PLCL1: variants seen among roughly 807,000 people sequenced by gnomAD.
The protein encoded by PLCL1 is phospholipase C like 1 (inactive).
PLCL1 carries 41 observed loss-of-function variants against 84.4 expected under a neutral mutation model. That is an observed-to-expected ratio of 0.49 (90% CI 0.38 to 0.63). The LOEUF is 0.63. PLCL1 is among the 30% of genes least tolerant of loss of function. The pLI is 0.00. For missense variants in PLCL1, 1,206 were observed against 1,367.8 expected (o/e 0.88, Z 1.87); for synonymous variants, 490 against 488.3 (o/e 1.00, Z -0.05).
At chr2:198,122,278 A>C (rs1217674694) in intron 5 of PLCL1, among the ~76,000 whole-genome samples, 2 of 151,998 alleles carry the variant, frequency 1.3e-5, no homozygotes, top group African/African-American at 4.8e-5. Context: ...AGACACTTTA[A>C]CTCCCTTTAG....
intron 1 of PLCL1, among the ~76,000 whole-genome samples, chr2:197,973,534 A>T (rs943804061): frequency 8.5e-5 from 13 of 152,364 alleles, no homozygotes; most frequent in African/African-American, 2.6e-4. Flanking sequence ...ACTAGGTACT[A>T]ATTAAAATTG....
chr2:197,844,407 A>G (rs545495491), intron 1 of PLCL1, among the ~76,000 whole-genome samples: 1 of 152,192 alleles, frequency 6.6e-6, no homozygotes. Context: ...CCTCCACATA[A>G]TATTTGTGAG....
In PLCL1 at chr2:198,036,784, C is replaced by T. The variant is rs77347451; in HGVS notation, c.241-46974C>T. On this transcript the variant is annotated intron_variant, in intron 1 of 5. Transcript: ENST00000428675. ...ACAAAATTCTGCTACACACAGAGACCATTGATTACATAAATACTTAACAGC... is the reference window on the plus strand; with the variant it reads ...ACAAAATTCTGCTACACACAGAGACTATTGATTACATAAATACTTAACAGC... Among the ~76,000 whole-genome samples the T allele has an allele frequency of 3.3e-3, 505 of 152,214 alleles. 2 individuals are homozygous for T. The highest frequency in any genetic ancestry group is 0.011 in the African/African-American group (468 of 41,522).
At chr2:198,067,383 C>T (rs1692347480) in intron 1 of PLCL1, among the ~76,000 whole-genome samples, 1 of 152,168 alleles carries the variant, frequency 6.6e-6, no homozygotes. Flanking sequence ...CCGCCTCGGC[C>T]TCCCAAAGTG....
At chr2:197,951,157 A>G (rs1218839760) in intron 1 of PLCL1, among the ~76,000 whole-genome samples, 1 of 152,162 alleles carries the variant, frequency 6.6e-6, no homozygotes, top group Non-Finnish European at 1.5e-5. Flanking sequence ...TGGTGGAGGT[A>G]TAATTACAAA....
At chr2:197,947,424 G>A (rs750537895) in intron 1 of PLCL1, among the ~76,000 whole-genome samples, 5 of 152,072 alleles carry the variant, frequency 3.3e-5, no homozygotes, top group East Asian at 1.9e-4. Flanking sequence ...TTCAGGTGCC[G>A]CTGCTGCTGC....
intron 3 of PLCL1, among the ~76,000 whole-genome samples, chr2:198,099,296 G>A (rs1693275421): frequency 6.6e-6 from 1 of 151,912 alleles, no homozygotes; most frequent in Non-Finnish European, 1.5e-5. Flanking sequence ...GGAAGGAGGT[G>A]AAACTCAAAT....
At chr2:198,063,447 A>T (rs1692252201) in intron 1 of PLCL1, among the ~76,000 whole-genome samples, 1 of 152,160 alleles carries the variant, frequency 6.6e-6, no homozygotes, top group Non-Finnish European at 1.5e-5. Flanking sequence ...ATTAAAAGTC[A>T]AGCTAACTGT....
chr2:197,884,994 G>C (rs957528227), intron 1 of PLCL1, among the ~76,000 whole-genome samples: 1 of 152,094 alleles, frequency 6.6e-6, no homozygotes, highest in African/African-American at 2.4e-5. Flanking sequence ...GCCTGACGTG[G>C]TTTGGCTCCT....
At chr2:197,806,535 C>A (rs1002865490) in intron 1 of PLCL1, among the ~76,000 whole-genome samples, 3 of 152,102 alleles carry the variant, frequency 2.0e-5, no homozygotes, top group African/African-American at 7.2e-5. Flanking sequence ...GGAGAGGTTT[C>A]TATAATATAT....
At chr2:197,981,251 T>A (rs1009839840) in intron 1 of PLCL1, among the ~76,000 whole-genome samples, 9 of 152,110 alleles carry the variant, frequency 5.9e-5, no homozygotes, top group African/African-American at 2.2e-4. Context: ...GAGTGGAGAT[T>A]GGGGAATTTT....
rs188043642 is a variant in PLCL1, at chr2:198,033,739, G to A, written c.241-50019G>A. On this transcript the variant is annotated intron_variant, in intron 1 of 5. Coordinates refer to ENST00000428675, the MANE Select transcript of PLCL1 (RefSeq NM_006226.4). ...CTTTCTTTAACTTTCCTGATTCTCCGTTTACGTGATTTATTGCTGCTGCCT... is the reference window on the plus strand; with the variant it reads ...CTTTCTTTAACTTTCCTGATTCTCCATTTACGTGATTTATTGCTGCTGCCT... Among the ~76,000 whole-genome samples the A allele has an allele frequency of 1.3e-3, 191 of 152,152 alleles. 1 individual carries two copies. Among genetic ancestry groups the A allele is most frequent in the Admixed American group, 8.9e-3 (136 of 15,288 alleles).
chr2:197,804,999 G>T lies in PLCL1; in HGVS notation c.-101G>T. The T allele has an allele frequency of 7.5e-7, 1 of 1,326,836 alleles. No individual in the cohort carries two copies. Among genetic ancestry groups the T allele is most frequent in the Non-Finnish European group, 9.8e-7 (1 of 1,020,488 alleles). The allele number at this position is 1,326,836 out of a possible 1,614,324, so 82.2% of individuals were successfully genotyped here. ...CCGCTGGGCGGTGAAACAAAGTCTGGCGGGGCCGCCTCCCGGTGCAGGAGC... is the reference window on the plus strand; with the variant it reads ...CCGCTGGGCGGTGAAACAAAGTCTGTCGGGGCCGCCTCCCGGTGCAGGAGC... On this transcript the variant is annotated 5_prime_UTR_variant, in exon 1 of 6. Coordinates refer to ENST00000428675, the MANE Select transcript of PLCL1 (RefSeq NM_006226.4).
chr2:198,106,612 G>A (rs1473710898), intron 5 of PLCL1, among the ~76,000 whole-genome samples: 1 of 151,884 alleles, frequency 6.6e-6, no homozygotes, highest in Non-Finnish European at 1.5e-5. Flanking sequence ...GTCACAGAAA[G>A]GTGCTAGGGA....
At chr2:198,061,430 C>T (rs539218153) in intron 1 of PLCL1, among the ~76,000 whole-genome samples, 38 of 152,006 alleles carry the variant, frequency 2.5e-4, no homozygotes, top group Non-Finnish European at 5.1e-4. Context: ...TTAACGGCCC[C>T]CAGCAGTGAA....
intron 1 of PLCL1, among the ~76,000 whole-genome samples, chr2:198,070,849 C>T (rs1367210672): frequency 6.6e-6 from 1 of 151,828 alleles, no homozygotes; most frequent in African/African-American, 2.4e-5. Context: ...AGGACTAATG[C>T]TTTCTAATTG....
At chr2:197,986,942 G>T (rs944285147) in intron 1 of PLCL1, among the ~76,000 whole-genome samples, 1 of 152,170 alleles carries the variant, frequency 6.6e-6, no homozygotes, top group African/African-American at 2.4e-5. Context: ...ACAACTTCAG[G>T]TTCTACGAAG....
chr2:197,818,345 T>C (rs1690734860), intron 1 of PLCL1, among the ~76,000 whole-genome samples: 1 of 152,090 alleles, frequency 6.6e-6, no homozygotes, highest in African/African-American at 2.4e-5. Flanking sequence ...ACCTTCACTA[T>C]TTCTTTTGCC....
Position 198,101,392 on chromosome 2 carries a change from T to G in PLCL1, c.2995+32T>G. On this transcript the variant is annotated intron_variant, in intron 4 of 5. Coordinates refer to ENST00000428675, the MANE Select transcript of PLCL1 (RefSeq NM_006226.4). ...GTTTTTAATTTTTTTTTCTGTTTTT[T>G]TTTTCTATTTTGTTTGGAAACTATA... The G allele has an allele frequency of 2.5e-6, 3 of 1,223,490 alleles. No individual in the cohort carries two copies. In the East Asian group the frequency reaches 7.1e-5, roughly 29 times the overall value. 75.8% of individuals were successfully genotyped at this position (1,223,490 alleles called of 1,614,324 possible).
Sources: allele counts gnomAD v4.1 joint callset (sites outside exome capture counted in the v4.1 genomes callset), GRCh38; gene constraint gnomAD v4.1.1; transcripts MANE v1.5; gene names NCBI Gene and HGNC (gene_info 2026-07-23, HGNC 2026-07-21).